TMEM196: variants seen among roughly 807,000 people sequenced by gnomAD.
TMEM196 encodes transmembrane protein 196.
Under a neutral mutation model 20.0 loss-of-function variants are expected in TMEM196, and 17 were observed. That is an observed-to-expected ratio of 0.85 (90% CI 0.58 to 1.27). The LOEUF (loss-of-function observed/expected upper bound fraction) is 1.27, where lower values mean the gene tolerates loss of function less well. Ranked by LOEUF, TMEM196 falls within the 50% of genes most tolerant of loss-of-function variation. The pLI is 0.00. For synonymous variants in TMEM196, 113 were observed against 88.9 expected (o/e 1.27, Z -1.52); for missense variants, 267 against 223.0 (o/e 1.20, Z -1.26).
intron 1 of TMEM196, among the ~76,000 whole-genome samples, chr7:19,750,649 G>A (rs553288944): frequency 6.6e-6 from 1 of 151,618 alleles, no homozygotes; most frequent in African/African-American, 2.4e-5. Context: ...AAATATATGG[G>A]GTCTACAGTG....
At chr7:19,743,586 C>A (rs935987510) in intron 1 of TMEM196, among the ~76,000 whole-genome samples, 1 of 152,004 alleles carries the variant, frequency 6.6e-6, no homozygotes, top group African/African-American at 2.4e-5. Flanking sequence ...ACTGTGAAAA[C>A]GAAGGGGTTG....
intron 4 of TMEM196, among the ~76,000 whole-genome samples, chr7:19,723,397 A>C (rs1186546848): frequency 6.6e-6 from 1 of 152,200 alleles, no homozygotes; most frequent in African/African-American, 2.4e-5. Context: ...TTTCCACTCA[A>C]AAACTGCTTA....
chr7:19,742,110 A>G (rs1784600881), intron 1 of TMEM196, among the ~76,000 whole-genome samples: 1 of 152,176 alleles, frequency 6.6e-6, no homozygotes, highest in Admixed American at 6.6e-5. Flanking sequence ...TTCAGTCAAG[A>G]TCAGATAACG....
chr7:19,754,287 G>A (rs1171728801), intron 1 of TMEM196, among the ~76,000 whole-genome samples: 1 of 152,144 alleles, frequency 6.6e-6, no homozygotes, highest in Non-Finnish European at 1.5e-5. Context: ...ATTGTTTGCA[G>A]GTATGTTTCT....
intron 1 of TMEM196, among the ~76,000 whole-genome samples, chr7:19,753,100 G>A (rs2128031959): frequency 6.6e-6 from 1 of 152,138 alleles, no homozygotes; most frequent in East Asian, 1.9e-4. Flanking sequence ...TTCTTGGACA[G>A]TTTTATTCTT....
chr7:19,723,498 T>C (rs1583412526), intron 4 of TMEM196, among the ~76,000 whole-genome samples: 3 of 152,226 alleles, frequency 2.0e-5, no homozygotes, highest in African/African-American at 7.2e-5. Flanking sequence ...AAGAATTTTC[T>C]TAACTGAATT....
At chr7:19,750,148 C>G (rs1397875472) in intron 1 of TMEM196, among the ~76,000 whole-genome samples, 1 of 152,162 alleles carries the variant, frequency 6.6e-6, no homozygotes, top group Non-Finnish European at 1.5e-5. Context: ...ATCATTCTCT[C>G]CAAAACGTTC....
At chr7:19,757,900 A>C (rs1785280245) in intron 1 of TMEM196, among the ~76,000 whole-genome samples, 2 of 151,854 alleles carry the variant, frequency 1.3e-5, no homozygotes, top group African/African-American at 4.8e-5. Flanking sequence ...TTTTAAACAT[A>C]TAGGATGATT....
Position 19,722,102 on chromosome 7 carries a change from T to C in TMEM196, c.*26A>G, listed in dbSNP as rs747640501. 6 of 1,609,756 alleles carry C rather than the reference T, an allele frequency of 3.7e-6. No individual in the cohort carries two copies. The Admixed American group carries it at 1.0e-4, about 27-fold the overall frequency. On this transcript the variant is annotated 3_prime_UTR_variant, in exon 5 of 5. Coordinates refer to ENST00000405844, the MANE Select transcript of TMEM196 (RefSeq NM_001363562.2). ...ACACTCTTCCATTAAATATCAGCTG[T>C]GGTCCTCCATTGCTCATGTTGTCTG...
In TMEM196 at chr7:19,720,250, G is replaced by A. The variant is rs1366702490; in HGVS notation, c.*1878C>T. The A allele has an allele frequency of 6.6e-6, 1 of 151,926 alleles. No individual in the cohort carries two copies. Among genetic ancestry groups the A allele is most frequent in the Non-Finnish European group, 1.5e-5 (1 of 67,880 alleles). 9.4% of individuals were successfully genotyped at this position (151,926 alleles called of 1,614,324 possible). Reference sequence around the variant, plus strand: ...AAGGAATTGGGAGACTTCAAAAAGTGCACCAAACAAGCAGAGTCCAGTTAT... The same window carrying A: ...AAGGAATTGGGAGACTTCAAAAAGTACACCAAACAAGCAGAGTCCAGTTAT... On this transcript the variant is annotated 3_prime_UTR_variant, in exon 5 of 5. Coordinates refer to ENST00000405844, the MANE Select transcript of TMEM196 (RefSeq NM_001363562.2).
chr7:19,762,310 T>C (rs1398005760), intron 1 of TMEM196, among the ~76,000 whole-genome samples: 1 of 151,996 alleles, frequency 6.6e-6, no homozygotes, highest in Non-Finnish European at 1.5e-5. Flanking sequence ...ATATAATGAA[T>C]AAATAAATTT....
At position 19,772,572 on chromosome 7, in the gene TMEM196, G is replaced by C; in HGVS notation, c.125C>G (p.Pro42Arg). The C allele has an allele frequency of 6.5e-7, 1 of 1,545,194 alleles. No homozygotes were observed. Among genetic ancestry groups the C allele is most frequent in the Non-Finnish European group, 8.7e-7 (1 of 1,144,956 alleles). The change falls in exon 1 of 5, where the codon CCG (proline) becomes CGG (arginine). Residue 42 changes from proline to arginine, a missense_variant. Pro to Arg is a moderately radical substitution (Grantham distance 103, BLOSUM62 -2). Transcript: ENST00000405844. ...SFSLALREHKPQLGDSSPFLL... is the reference protein window; with the variant it reads ...SFSLALREHKRQLGDSSPFLL... The stretch of plus-strand genomic sequence containing the variant: ...TACCGGGGACGAGTCTCCGAGCTGC[G>C]GCTTGTGCTCTCGGAGGGCCAGGCT...
At chr7:19,747,181 G>T (rs992567863) in intron 1 of TMEM196, among the ~76,000 whole-genome samples, 5 of 150,700 alleles carry the variant, frequency 3.3e-5, no homozygotes, top group African/African-American at 4.9e-5. Flanking sequence ...CGTGAACCCG[G>T]GAGGCGGAGC....
At chr7:19,765,226 G>A (rs1785581543) in intron 1 of TMEM196, among the ~76,000 whole-genome samples, 1 of 152,062 alleles carries the variant, frequency 6.6e-6, no homozygotes. Flanking sequence ...TATCTCCCAA[G>A]TTGATCTATT....
In TMEM196 at chr7:19,719,737, G is replaced by A. The variant is rs1052247648; in HGVS notation, c.*2391C>T. ...AAAAAAGAATCGCCGCACATCCCAA[G>A]TAAATCATTCTAAACTCAATTCTGA... is the stretch of plus-strand genomic sequence containing the variant. On this transcript the variant is annotated 3_prime_UTR_variant, in exon 5 of 5. Transcript: ENST00000405844. 2.0e-4 allele frequency: 31 copies of A among 152,134 alleles called. No homozygotes were observed. Among genetic ancestry groups the A allele is most frequent in the African/African-American group, 7.0e-4 (29 of 41,550 alleles). The allele number at this position is 152,134 out of a possible 1,614,324, so 9.4% of individuals were successfully genotyped here. A position where few individuals can be genotyped will look rare whatever the true frequency, so the allele number is the denominator to read the frequency against.
intron 1 of TMEM196, among the ~76,000 whole-genome samples, chr7:19,738,819 A>T (rs1484320096): frequency 6.6e-6 from 1 of 152,168 alleles, no homozygotes; most frequent in Non-Finnish European, 1.5e-5. Context: ...AATCTACTGT[A>T]CAGAAAAATT....
intron 1 of TMEM196, among the ~76,000 whole-genome samples, chr7:19,768,482 C>T (rs1211774484): frequency 6.6e-6 from 1 of 152,082 alleles, no homozygotes; most frequent in African/African-American, 2.4e-5. Flanking sequence ...AGATGATGCA[C>T]TGGAGGCTGA....
At chr7:19,765,742 C>T (rs1345643964) in intron 1 of TMEM196, among the ~76,000 whole-genome samples, 5 of 152,134 alleles carry the variant, frequency 3.3e-5, no homozygotes, top group African/African-American at 1.2e-4. Flanking sequence ...TATGTTTCCT[C>T]ATTCAGTTTT....
chr7:19,729,491 T>C (rs987163529), intron 1 of TMEM196, 53 bp from the exon 2 acceptor site: 13 of 1,509,546 alleles, frequency 8.6e-6, no homozygotes, highest in Non-Finnish European at 1.2e-5. Context: ...CGAGGACCCC[T>C]AGATTTTAGC....
Sources: gnomAD v4.1 joint callset for allele counts (sites outside exome capture counted in the v4.1 genomes callset) on GRCh38, gnomAD v4.1.1 for gene constraint, MANE v1.5 for transcripts, NCBI Gene and HGNC (gene_info 2026-07-23, HGNC 2026-07-21) for gene names.